KCTD5: variants seen among roughly 807,000 people sequenced by gnomAD.
KCTD5 encodes the protein potassium channel tetramerization domain containing 5.
A neutral mutation model predicts 27.9 loss-of-function variants in KCTD5; 12 were observed. The observed-to-expected ratio is 0.43, with a 90% confidence interval of 0.28 to 0.70. The LOEUF is 0.70. Ranked by LOEUF, KCTD5 falls within the 30% of genes least tolerant of loss-of-function variation. The probability of loss-of-function intolerance (pLI) is 0.19; values close to 1 mark genes in which losing one functional copy is unlikely to be tolerated. For synonymous variants in KCTD5, 147 were observed against 121.4 expected (o/e 1.21, Z -1.39); for missense variants, 226 against 274.8 (o/e 0.82, Z 1.26).
At chr16:2,703,531 G>A (rs1004990214) in intron 5 of KCTD5, among the ~76,000 whole-genome samples, 5 of 152,196 alleles carry the variant, frequency 3.3e-5, no homozygotes, top group Non-Finnish European at 4.4e-5. Flanking sequence ...GCCTCTGGCC[G>A]GCCACCAGCA....
At chr16:2,684,983 G>A (rs1178380402) in intron 1 of KCTD5, among the ~76,000 whole-genome samples, 3 of 152,138 alleles carry the variant, frequency 2.0e-5, no homozygotes, top group Non-Finnish European at 4.4e-5. Flanking sequence ...TTCTTTGAGC[G>A]AGGGGTAATT....
chr16:2,684,427 C>A (rs933593506), intron 1 of KCTD5: 9 of 151,968 alleles, frequency 5.9e-5, no homozygotes, highest in African/African-American at 1.5e-4. Context: ...AGGTGGATCT[C>A]GTTCAAAACC....
intron 1 of KCTD5, 40 bp downstream of exon 1, chr16:2,682,840 C>T (rs2067524409): frequency 6.5e-7 from 1 of 1,536,000 alleles, no homozygotes; most frequent in Non-Finnish European, 8.7e-7. Context: ...TCCTGGCCTT[C>T]CCGGCCTGCG....
intron 5 of KCTD5, among the ~76,000 whole-genome samples, chr16:2,704,387 C>T (rs1447254732): frequency 6.6e-6 from 1 of 152,216 alleles, no homozygotes; most frequent in East Asian, 1.9e-4. Flanking sequence ...GCAGCTGTCC[C>T]CCACTTCAGT....
rs1039920923 is a variant in KCTD5, at chr16:2,707,544, G to A, written c.*217G>A. 2.4e-5 allele frequency: 16 copies of A among 659,744 alleles called. No homozygotes were observed. In the African/African-American group the frequency reaches 2.7e-4, roughly 11 times the overall value. The allele number at this position is 659,744 out of a possible 1,614,324, so 40.9% of individuals were successfully genotyped here. On this transcript the variant is annotated 3_prime_UTR_variant, in exon 6 of 6. Coordinates refer to ENST00000301738, the MANE Select transcript of KCTD5 (RefSeq NM_018992.4). Reference sequence around the variant, plus strand: ...CCAAGTTGGGGGAGCACGGCGGCCGGGTGGGCGCTGCCTCTTGGGGGGGCC... The same window carrying A: ...CCAAGTTGGGGGAGCACGGCGGCCGAGTGGGCGCTGCCTCTTGGGGGGGCC...
chr16:2,708,081 C>T lies in KCTD5; in HGVS notation c.*754C>T, dbSNP rs916879748. On this transcript the variant is annotated 3_prime_UTR_variant, in exon 6 of 6. Transcript: ENST00000301738. ...GAGACTGATCTGTTCCATCCGTTAGCGCGAGGTAGCAGTGTCGCCTCGCCC... is the reference window on the plus strand; with the variant it reads ...GAGACTGATCTGTTCCATCCGTTAGTGCGAGGTAGCAGTGTCGCCTCGCCC... 2 of 152,756 alleles carry T rather than the reference C, an allele frequency of 1.3e-5. No individual in the cohort carries two copies. The highest frequency in any genetic ancestry group is 2.9e-5 in the Non-Finnish European group (2 of 68,112). The allele number at this position is 152,756 out of a possible 1,614,324, so 9.5% of individuals were successfully genotyped here.
At chr16:2,684,544 T>C (rs2142050438) in intron 1 of KCTD5, 1 of 152,084 alleles carries the variant, frequency 6.6e-6, no homozygotes, top group South Asian at 2.1e-4. Flanking sequence ...GGCAGGCGGA[T>C]CACGAGGTCA....
At position 2,708,880 on chromosome 16, in the gene KCTD5, T is replaced by C. The variant is rs1000999081; in HGVS notation, c.*1553T>C. 9 of 152,218 alleles carry C rather than the reference T, an allele frequency of 5.9e-5. No homozygotes were observed. The highest frequency in any genetic ancestry group is 1.9e-4 in the African/African-American group (8 of 41,454). The allele number at this position is 152,218 out of a possible 1,614,324, so 9.4% of individuals were successfully genotyped here. On this transcript the variant is annotated 3_prime_UTR_variant, in exon 6 of 6. Transcript: ENST00000301738. Reference sequence around the variant, plus strand: ...ATAGTAGATAGGCTTGTGGTTTTTTTAATTTAAAGATATTAAGACTTAATT... The same window carrying C: ...ATAGTAGATAGGCTTGTGGTTTTTTCAATTTAAAGATATTAAGACTTAATT...
intron 1 of KCTD5, among the ~76,000 whole-genome samples, chr16:2,691,763 A>C (rs1330506637): frequency 6.6e-6 from 1 of 152,126 alleles, no homozygotes; most frequent in Non-Finnish European, 1.5e-5. Context: ...CGAGGTTGGC[A>C]ACAAGCATCT....
intron 5 of KCTD5, among the ~76,000 whole-genome samples, chr16:2,704,833 C>A (rs1157844332): frequency 1.3e-5 from 2 of 152,204 alleles, no homozygotes; most frequent in Non-Finnish European, 2.9e-5. Flanking sequence ...TCCTATCAGG[C>A]CGAGATCTGT....
chr16:2,690,586 G>A (rs2067561887), intron 1 of KCTD5, among the ~76,000 whole-genome samples: 1 of 152,250 alleles, frequency 6.6e-6, no homozygotes, highest in African/African-American at 2.4e-5. Flanking sequence ...GGTTGTGTAA[G>A]CCGTGGAACG....
intron 1 of KCTD5, 100 bp downstream of exon 1, chr16:2,682,900 G>A: frequency 7.2e-7 from 1 of 1,393,438 alleles, no homozygotes; most frequent in Non-Finnish European, 9.4e-7. Flanking sequence ...GCGGGAGCGG[G>A]CGACTCTCCT....
intron 1 of KCTD5, among the ~76,000 whole-genome samples, chr16:2,692,872 C>G (rs906335442): frequency 6.6e-6 from 1 of 152,246 alleles, no homozygotes; most frequent in Non-Finnish European, 1.5e-5. Flanking sequence ...TGCAAGGGCC[C>G]GGCAGAGGGG....
intron 5 of KCTD5, 147 bp from the exon 6 acceptor site, chr16:2,707,151 G>C: frequency 1.5e-6 from 1 of 666,984 alleles, no homozygotes; most frequent in African/African-American, 1.8e-5. Context: ...TGCCAGCTGA[G>C]TCCCCAAGAC....
Position 2,682,550 on chromosome 16 carries a change from TG to T in KCTD5, c.4del (p.Ala2?). The T allele has an allele frequency of 7.1e-7, 1 of 1,406,004 alleles. No homozygotes were observed. 87.1% of individuals were successfully genotyped at this position (1,406,004 alleles called of 1,614,324 possible). On this transcript the variant is annotated frameshift_variant and start_lost, in exon 1 of 6. Coordinates refer to ENST00000301738, the MANE Select transcript of KCTD5 (RefSeq NM_018992.4). LOFTEE classifies it high-confidence loss of function. Reference sequence around the variant, plus strand: ...GCTGTTGCGGGGCTTGCTGGGATCATGGCGGAGAATCACTGCGAGCTCCTGT... The same window carrying T: ...GCTGTTGCGGGGCTTGCTGGGATCATGCGGAGAATCACTGCGAGCTCCTGT... [M>X]AENHCELLSP...
chr16:2,707,723 G>C lies in KCTD5; in HGVS notation c.*396G>C. 2.0e-6 allele frequency: 1 copy of C among 489,902 alleles called. No homozygotes were observed. Among genetic ancestry groups the C allele is most frequent in the Non-Finnish European group, 3.6e-6 (1 of 274,484 alleles). The allele number at this position is 489,902 out of a possible 1,614,324, so 30.3% of individuals were successfully genotyped here. ...TCACTGGCAGGAAGCGGCCGCAGCC[G>C]CGTCAGTGTCCAGCACGTCGTGGCC... On this transcript the variant is annotated 3_prime_UTR_variant, in exon 6 of 6. Coordinates refer to ENST00000301738, the MANE Select transcript of KCTD5 (RefSeq NM_018992.4).
At chr16:2,705,319 A>C (rs967752779) in intron 5 of KCTD5, among the ~76,000 whole-genome samples, 1 of 151,850 alleles carries the variant, frequency 6.6e-6, no homozygotes, top group African/African-American at 2.4e-5. Flanking sequence ...GTAGATCCTC[A>C]GTAGCACTGT....
chr16:2,692,664 C>G (rs1200973981), intron 1 of KCTD5, among the ~76,000 whole-genome samples: 1 of 152,252 alleles, frequency 6.6e-6, no homozygotes, highest in Non-Finnish European at 1.5e-5. Context: ...CCGGGACTGG[C>G]AGCCCGGCCC....
intron 1 of KCTD5, chr16:2,683,510 G>T (rs1456789303): frequency 6.6e-6 from 1 of 151,760 alleles, no homozygotes; most frequent in African/African-American, 2.4e-5. Flanking sequence ...CTTCGCAAAA[G>T]GACAGGAATT....
Sources: allele counts gnomAD v4.1 joint callset (sites outside exome capture counted in the v4.1 genomes callset), GRCh38; gene constraint gnomAD v4.1.1; transcripts MANE v1.5; gene names NCBI Gene and HGNC (gene_info 2026-07-23, HGNC 2026-07-21).